Variants in FGF13 observed in about 807,000 individuals in gnomAD.
The protein encoded by FGF13 is fibroblast growth factor homologous factor 2.
A neutral mutation model predicts 19.5 loss-of-function variants in FGF13; 2 were observed. That is an observed-to-expected ratio of 0.10 (90% CI 0.04 to 0.32). The LOEUF is 0.32. Among genes scored for constraint, FGF13 ranks in the 10% least tolerant of loss-of-function variants. The pLI is 1.00. For missense variants in FGF13, 113 were observed against 192.7 expected, an observed-to-expected ratio of 0.59 and a Z score of 2.45; for synonymous variants, 72 against 76.9, an observed-to-expected ratio of 0.94 and a Z score of 0.33.
intron 2 of FGF13, 121 bp from the exon 3 acceptor site, chrX:138,703,208 T>C: frequency 3.9e-6 from 2 of 507,006 alleles, no homozygotes; most frequent in Middle Eastern, 4.3e-4. Flanking sequence ...GGTATGCATA[T>C]ATGTCTGTTT....
At chrX:138,959,755 G>C (rs1384404573) in intron 1 of FGF13, among the ~76,000 whole-genome samples, 1 of 111,790 alleles carries the variant, frequency 8.9e-6, no homozygotes, top group East Asian at 2.8e-4. Flanking sequence ...TTGTTGAATT[G>C]ATCCCTTTAC....
At chrX:138,654,855 T>C (rs931172436) in intron 3 of FGF13, among the ~76,000 whole-genome samples, 2 of 111,548 alleles carry the variant, frequency 1.8e-5, no homozygotes, top group Admixed American at 9.5e-5. Context: ...CTTTCTGTAC[T>C]TCATCAGTCA....
intron 1 of FGF13, among the ~76,000 whole-genome samples, chrX:139,089,306 C>G (rs1466528910): frequency 8.9e-6 from 1 of 112,092 alleles, no homozygotes; most frequent in Non-Finnish European, 1.9e-5. Context: ...AAGTTGGAAA[C>G]TCCTGGACTG....
At chrX:138,756,304 T>C (rs986129117) in intron 3 of FGF13, among the ~76,000 whole-genome samples, 1 of 112,403 alleles carries the variant, frequency 8.9e-6, no homozygotes, top group Non-Finnish European at 1.9e-5. Flanking sequence ...CCCTGGGCAG[T>C]TTCTCCCTCT....
chrX:138,893,981 C>T (rs114275453), intron 1 of FGF13, among the ~76,000 whole-genome samples: 7,899 of 111,104 alleles, frequency 0.071, 719 homozygotes, highest in African/African-American at 0.24. Context: ...CCATACCTTA[C>T]GAGGTTATTA....
intron 1 of FGF13, among the ~76,000 whole-genome samples, chrX:139,026,545 G>A (rs2092201708): frequency 8.9e-6 from 1 of 111,876 alleles, no homozygotes; most frequent in Non-Finnish European, 1.9e-5. Flanking sequence ...CAATTGTCTG[G>A]TGTAGTGACA....
chrX:139,028,716 A>T (rs1487273465), intron 1 of FGF13, among the ~76,000 whole-genome samples: 3 of 90,781 alleles, frequency 3.3e-5, no homozygotes, highest in African/African-American at 7.6e-5. Context: ...TGTGAGAGAG[A>T]GAGAGAGCGT....
chrX:138,703,019 A>G lies in FGF13; in HGVS notation c.367T>C (p.Leu123=), dbSNP rs1207492476. Residue 123 remains leucine (L), a synonymous_variant, in exon 3 of 5, where the codon TTG becomes CTG. Coordinates refer to ENST00000315930, the MANE Select transcript of FGF13 (RefSeq NM_004114.5). ...AAGTATCCCTCACTGTTCATTGCCA[A>G]GTACAGCTTGGTTTGAACTCCTTGG... ...AIQGVQTKLY[L]AMNSEGYLYT... The G allele has an allele frequency of 2.5e-5, 30 of 1,208,729 alleles. No homozygotes were observed. The highest frequency in any genetic ancestry group is 3.1e-5 in the Non-Finnish European group (28 of 893,657).
At chrX:138,736,911 A>G (rs1374527505) in intron 1 of FGF13, among the ~76,000 whole-genome samples, 1 of 110,751 alleles carries the variant, frequency 9.0e-6, no homozygotes, top group Non-Finnish European at 1.9e-5. Flanking sequence ...TGAAGAAGTA[A>G]TTGTGGACAA....
intron 3 of FGF13, among the ~76,000 whole-genome samples, chrX:138,655,112 G>A: frequency 9.0e-6 from 1 of 111,614 alleles, no homozygotes. Context: ...CTACATAGTA[G>A]TTCCTAGGTT....
intron 1 of FGF13, among the ~76,000 whole-genome samples, chrX:139,176,607 C>T (rs1182166240): frequency 9.0e-6 from 1 of 110,949 alleles, no homozygotes; most frequent in Non-Finnish European, 1.9e-5. Context: ...AGAGATTCTG[C>T]TGCATTGTGT....
upstream of FGF13, chrX:138,739,386 G>A (rs763153153): frequency 1.4e-5 from 10 of 734,250 alleles, no homozygotes; most frequent in Non-Finnish European, 2.0e-5. Flanking sequence ...CAAGGTAATG[G>A]CCAGAAACAT....
intron 3 of FGF13, among the ~76,000 whole-genome samples, chrX:138,780,964 A>G (rs1194096718): frequency 9.0e-6 from 1 of 110,736 alleles, no homozygotes; most frequent in Admixed American, 9.6e-5. Context: ...ATAACAAACT[A>G]TCTCTCAGAC....
At chrX:139,104,997 T>G (rs1217971166) in intron 1 of FGF13, among the ~76,000 whole-genome samples, 2 of 107,027 alleles carry the variant, frequency 1.9e-5, no homozygotes, top group African/African-American at 6.9e-5. Flanking sequence ...CTTTATAATT[T>G]TCCATTTCTT....
intron 1 of FGF13, among the ~76,000 whole-genome samples, chrX:139,102,045 A>G (rs2083518634): frequency 8.9e-6 from 1 of 112,085 alleles, no homozygotes; most frequent in Non-Finnish European, 1.9e-5. Flanking sequence ...CAAAATTTCT[A>G]TGACATTTAT....
At chrX:139,139,514 G>T (rs924554404) in intron 1 of FGF13, among the ~76,000 whole-genome samples, 1 of 112,519 alleles carries the variant, frequency 8.9e-6, no homozygotes, top group Non-Finnish European at 1.9e-5. Context: ...AAGGCATCCA[G>T]TTAAAGGTAC....
intron 1 of FGF13, among the ~76,000 whole-genome samples, chrX:139,006,695 T>A (rs2092102925): frequency 8.9e-6 from 1 of 111,868 alleles, no homozygotes; most frequent in African/African-American, 3.2e-5. Context: ...AGTGGGGGGA[T>A]GAAATTGACG....
At chrX:139,149,093 G>C (rs1307781462) in intron 1 of FGF13, among the ~76,000 whole-genome samples, 1 of 111,686 alleles carries the variant, frequency 9.0e-6, no homozygotes, top group Non-Finnish European at 1.9e-5. Context: ...TGTCAGTCTT[G>C]GCGATTTGGT....
At chrX:139,139,991 C>G (rs192843708) in intron 1 of FGF13, among the ~76,000 whole-genome samples, 382 of 111,492 alleles carry the variant, frequency 3.4e-3, no homozygotes, top group African/African-American at 0.012. Context: ...CTCCTCTCAA[C>G]CTTTAAAAGA....
Sources: allele counts gnomAD v4.1 joint callset (sites outside exome capture counted in the v4.1 genomes callset), GRCh38; gene constraint gnomAD v4.1.1; transcripts MANE v1.5; gene names NCBI Gene and HGNC (gene_info 2026-07-23, HGNC 2026-07-21).